ODAD4: variants seen among roughly 807,000 people sequenced by gnomAD.
The protein encoded by ODAD4 is outer dynein arm docking complex subunit 4, also known as outer dynein arm-docking complex subunit 4.
In ODAD4, 49 loss-of-function variants were observed where a neutral mutation model predicts 51.8. That is an observed-to-expected ratio of 0.95 (90% CI 0.75 to 1.20). The LOEUF is 1.20. Ranked by LOEUF, ODAD4 falls within the 50% of genes most tolerant of loss-of-function variation. The probability of loss-of-function intolerance (pLI) is 0.00; values close to 1 mark genes in which losing one functional copy is unlikely to be tolerated. For synonymous variants in ODAD4, 235 were observed against 221.3 expected (o/e 1.06, Z -0.55); for missense variants, 590 against 586.5 (o/e 1.01, Z -0.06).
rs372893438 is a variant in ODAD4, at chr17:41,939,026, A to T, written c.912A>T (p.Val304=). The T allele has an allele frequency of 1.5e-5, 25 of 1,613,512 alleles. No homozygotes were observed. In the African/African-American group the frequency reaches 3.1e-4, roughly 20 times the overall value. The change falls in exon 7 of 12, where the codon GTA becomes GTT. Residue 304 remains valine, a synonymous_variant. Transcript: ENST00000377540. The stretch of plus-strand genomic sequence containing the variant: ...AAGCTGAGAAAGTGCTGAAGAAGGT[A>T]CTGGAATGGAACAAGGAAGAGGTAC... The part of the protein sequence containing the change: ...LQKAEKVLKK[V]LEWNKEEVPN...
Position 41,944,426 on chromosome 17 carries a change from ACACACACACACACACACAC to A in ODAD4, c.1059-708_1059-690del, listed in dbSNP as rs1357583153. 6.8e-3 allele frequency among the ~76,000 whole-genome samples: 63 copies of A among 9,212 alleles called. 1 individual carries two copies. The South Asian group carries it at 0.12, about 18-fold the overall frequency. The allele number at this position is 9,212 out of a possible 152,430, so 6.0% of individuals were successfully genotyped here. A position where few individuals can be genotyped will look rare whatever the true frequency, so the allele number is the denominator to read the frequency against. Reference sequence around the variant, plus strand: ...CACACACACACACACACACACACACACACACACACACACACACACCCCCCCGCATACACAGAAATTGCCT... The same window carrying A: ...CACACACACACACACACACACACACACCCCCCGCATACACAGAAATTGCCT... On this transcript the variant is annotated intron_variant, in intron 7 of 11. Transcript: ENST00000377540.
chr17:41,952,212 C>A (rs2050663619), intron 9 of ODAD4, among the ~76,000 whole-genome samples: 1 of 151,008 alleles, frequency 6.6e-6, no homozygotes, highest in Non-Finnish European at 1.5e-5. Context: ...ACTAAAAATC[C>A]AAAAAATTAG....
chr17:41,955,101 A>T, intron 9 of ODAD4, 116 bp from the exon 10 acceptor site: 2 of 713,188 alleles, frequency 2.8e-6, no homozygotes, highest in Non-Finnish European at 2.6e-6. Context: ...GGGTCCGACT[A>T]CAGCTCACAC....
Position 41,930,771 on chromosome 17 carries a change from T to A in ODAD4, c.48T>A (p.Tyr16Ter). The A allele has an allele frequency of 6.2e-7, 1 of 1,610,330 alleles. No homozygotes were observed. Residue 16 changes from tyrosine (Y) to a stop codon, truncating the protein, a stop_gained, in exon 1 of 12, where the codon TAT becomes TAA. Transcript: ENST00000377540. LOFTEE classifies it high-confidence loss of function. ...GETLRSTFPS[Y>*]MAEGERLYLC... is the part of the protein sequence containing the mutation. ...CCTTGCGAAGCACCTTTCCCTCTTA[T>A]ATGGCCGAAGGCGAGCGGCTCTACC...
At chr17:41,961,981 A>G (rs1415467673) in intron 11 of ODAD4, among the ~76,000 whole-genome samples, 1 of 152,244 alleles carries the variant, frequency 6.6e-6, no homozygotes, top group Non-Finnish European at 1.5e-5. Context: ...AAAGATGCCC[A>G]GGAGTTTTCC....
At chr17:41,931,690 T>A (rs2050341569) in intron 1 of ODAD4, among the ~76,000 whole-genome samples, 2 of 151,754 alleles carry the variant, frequency 1.3e-5, no homozygotes, top group African/African-American at 2.4e-5. Context: ...TACAGGCATG[T>A]CCCACCACGC....
intron 9 of ODAD4, among the ~76,000 whole-genome samples, chr17:41,950,558 A>G (rs2050639318): frequency 6.7e-6 from 1 of 149,948 alleles, no homozygotes; most frequent in East Asian, 2.0e-4. Context: ...ATGTCTTTGT[A>G]TTTTTAGAGA....
chr17:41,941,833 C>T (rs1432664822), intron 7 of ODAD4, among the ~76,000 whole-genome samples: 1 of 152,098 alleles, frequency 6.6e-6, no homozygotes, highest in Non-Finnish European at 1.5e-5. Context: ...AAATCCCTCC[C>T]CTAGGCTCCC....
chr17:41,930,881 CTTTTTTTTTTTTTT>C (rs782820445), intron 1 of ODAD4, 44 bp downstream of exon 1: 15 of 97,236 alleles, frequency 1.5e-4, no homozygotes, highest in African/African-American at 2.5e-4. Flanking sequence ...TCACCCGTCA[CTTTTTTTTTTTTTT>C]TTTTTTTTTT....
rs782201571 is a variant in ODAD4 at position 41,930,803 on chromosome 17, G to C, written c.80G>C (p.Gly27Ala). The C allele has an allele frequency of 1.9e-6, 3 of 1,600,074 alleles. No individual in the cohort carries two copies. The South Asian group carries it at 3.4e-5, about 18-fold the overall frequency. Residue 27 changes from glycine to alanine, a missense_variant, in exon 1 of 12, where the codon GGG becomes GCG. Gly to Ala is a moderately conservative substitution (Grantham distance 60, BLOSUM62 0). Transcript: ENST00000377540. The part of the protein sequence containing the change: ...MAEGERLYLC[G>A]EFSKAAQSFS... ...GAAGGCGAGCGGCTCTACCTGTGCG[G>C]GGAATTTTCTAAAGCCGCGCAGAGC... is the stretch of plus-strand genomic sequence containing the variant.
chr17:41,943,917 C>T (rs372318690), intron 7 of ODAD4, among the ~76,000 whole-genome samples: 12 of 152,172 alleles, frequency 7.9e-5, no homozygotes, highest in South Asian at 6.2e-4. Context: ...GCCTAGGAAA[C>T]GTGGCAAAAC....
At chr17:41,933,550 G>A (rs1020921784) in intron 1 of ODAD4, among the ~76,000 whole-genome samples, 1 of 152,142 alleles carries the variant, frequency 6.6e-6, no homozygotes, top group East Asian at 1.9e-4. Flanking sequence ...TACTCCGGAG[G>A]CTGAGGCAGG....
At chr17:41,946,394 C>T (rs1420216514) in intron 8 of ODAD4, among the ~76,000 whole-genome samples, 2 of 152,170 alleles carry the variant, frequency 1.3e-5, no homozygotes, top group South Asian at 2.1e-4. Flanking sequence ...GGCACAATCT[C>T]AGCTCACTGC....
chr17:41,936,427 G>A (rs1555637788), intron 3 of ODAD4, 46 bp from the exon 4 acceptor site: 1 of 1,400,274 alleles, frequency 7.1e-7, no homozygotes, highest in Non-Finnish European at 1.0e-6. Context: ...GATAAGTCAT[G>A]CCTGGGGGGT....
At chr17:41,957,914 G>T (rs2050754606) in intron 10 of ODAD4, among the ~76,000 whole-genome samples, 1 of 151,968 alleles carries the variant, frequency 6.6e-6, no homozygotes. Context: ...TACAGGTGTG[G>T]GCCACCATGC....
chr17:41,951,313 G>C (rs2050648268), intron 9 of ODAD4, among the ~76,000 whole-genome samples: 1 of 151,250 alleles, frequency 6.6e-6, no homozygotes, highest in South Asian at 2.1e-4. Flanking sequence ...TTGAACTCTT[G>C]ACCTCGTGAT....
chr17:41,964,500 G>A (rs1235043063), intron 11 of ODAD4, among the ~76,000 whole-genome samples: 2 of 152,222 alleles, frequency 1.3e-5, no homozygotes, highest in African/African-American at 2.4e-5. Flanking sequence ...CTCAGTCAAT[G>A]ATGGTTCCCT....
chr17:41,934,795 G>T lies in ODAD4; in HGVS notation c.115-422G>T, dbSNP rs561652578. Among the ~76,000 whole-genome samples, 6 of 152,360 alleles carry T rather than the reference G, an allele frequency of 3.9e-5. No homozygotes were observed. The South Asian group carries it at 1.2e-3, about 32-fold the overall frequency. On this transcript the variant is annotated intron_variant, in intron 1 of 11. Transcript: ENST00000377540. ...TCAGAATGCTTAGCCTTTGAAATTT[G>T]CTTTGAGTATGATGTGTTGCCATTT...
Position 41,936,535 on chromosome 17 carries a change from G to A in ODAD4, c.459+1G>A, listed in dbSNP as rs1555637830. ...CTCCTTCTTAAGCAAGCAGGCTGAG[G>A]TAAGGGCCCTGGTTCTGTGGTTGTA... On this transcript the variant is annotated splice_donor_variant, in intron 4 of 11. Coordinates refer to ENST00000377540, the MANE Select transcript of ODAD4 (RefSeq NM_031421.5). LOFTEE classifies it high-confidence loss of function. The A allele has an allele frequency of 1.2e-6, 2 of 1,612,216 alleles. No homozygotes were observed. The highest frequency in any genetic ancestry group is 1.7e-6 in the Non-Finnish European group (2 of 1,178,830).
Sources: gnomAD v4.1 joint callset for allele counts (sites outside exome capture counted in the v4.1 genomes callset) on GRCh38, gnomAD v4.1.1 for gene constraint, MANE v1.5 for transcripts, NCBI Gene and HGNC (gene_info 2026-07-23, HGNC 2026-07-21) for gene names.